Variants in KCNJ3 observed in about 807,000 individuals in gnomAD.
KCNJ3 encodes G protein-activated inward rectifier potassium channel 1.
Under a neutral mutation model 39.2 loss-of-function variants are expected in KCNJ3, and 4 were observed. The ratio of observed to expected loss-of-function variants is 0.10; its 90% confidence interval spans 0.05 to 0.23. The LOEUF (loss-of-function observed/expected upper bound fraction) is 0.23. Among genes scored for constraint, KCNJ3 ranks in the 10% least tolerant of loss-of-function variants. The pLI is 1.00. For synonymous variants in KCNJ3, 230 were observed against 237.4 expected, an observed-to-expected ratio of 0.97 and a Z score of 0.29; for missense variants, 276 against 634.9, an observed-to-expected ratio of 0.43 and a Z score of 6.08.
At chr2:154,747,852 A>G (rs1685774316) in intron 2 of KCNJ3, among the ~76,000 whole-genome samples, 1 of 151,922 alleles carries the variant, frequency 6.6e-6, no homozygotes, top group African/African-American at 2.4e-5. Context: ...TGGTTTGGGG[A>G]AATAAGGTGG....
At chr2:154,788,771 TG>T (rs66942205) in intron 2 of KCNJ3, among the ~76,000 whole-genome samples, 10,516 of 150,922 alleles carry the variant, frequency 0.07, 447 homozygotes, top group African/African-American at 0.11. Context: ...GAGTGTGAGT[TG>T]TTTTTTTTTT....
At chr2:154,849,693 A>C (rs2105138251) in intron 2 of KCNJ3, among the ~76,000 whole-genome samples, 1 of 152,312 alleles carries the variant, frequency 6.6e-6, no homozygotes. Flanking sequence ...TAGCAGAAAC[A>C]ATGGAAAATA....
Position 154,709,722 on chromosome 2 carries a change from C to CGAT in KCNJ3, c.824_826dup (p.Asp275dup). ...CCCCCCTCACAATTTGCCACGTGATCGATGCCAAAAGCCCCTTTTATGACC... is the reference window on the plus strand; with the variant it reads ...CCCCCCTCACAATTTGCCACGTGATCGATGATGCCAAAAGCCCCTTTTATGACC... On this transcript the variant is annotated inframe_insertion, in exon 2 of 3. Coordinates refer to ENST00000295101, the MANE Select transcript of KCNJ3 (RefSeq NM_002239.4). 1 of 1,613,876 alleles carries CGAT rather than the reference C, an allele frequency of 6.2e-7. No individual in the cohort carries two copies. Among genetic ancestry groups the CGAT allele is most frequent in the East Asian group, 2.2e-5 (1 of 44,862 alleles).
intron 2 of KCNJ3, among the ~76,000 whole-genome samples, chr2:154,834,765 C>A (rs1030496696): frequency 3.3e-5 from 5 of 149,648 alleles, no homozygotes; most frequent in Non-Finnish European, 6.0e-5. Flanking sequence ...TAGAATAAGT[C>A]ATTTAAGTCT....
chr2:154,714,764 T>A (rs1355878827), intron 2 of KCNJ3, among the ~76,000 whole-genome samples: 1 of 152,224 alleles, frequency 6.6e-6, no homozygotes, highest in Non-Finnish European at 1.5e-5. Context: ...CAAATGCTTA[T>A]TGAGCAGGTA....
chr2:154,817,606 A>G (rs962603415), intron 2 of KCNJ3, among the ~76,000 whole-genome samples: 2 of 151,894 alleles, frequency 1.3e-5, no homozygotes, highest in Admixed American at 6.6e-5. Flanking sequence ...TAATCAACCT[A>G]CCTCCCCTCT....
At chr2:154,847,557 A>C (rs186990598) in intron 2 of KCNJ3, among the ~76,000 whole-genome samples, 12 of 149,880 alleles carry the variant, frequency 8.0e-5, no homozygotes, top group Admixed American at 6.8e-4. Flanking sequence ...TATGGAAAAA[A>C]CTAACATGTT....
chr2:154,783,368 G>T (rs1198478178), intron 2 of KCNJ3, among the ~76,000 whole-genome samples: 2 of 152,106 alleles, frequency 1.3e-5, no homozygotes, highest in Non-Finnish European at 2.9e-5. Context: ...TCTGTTCTTT[G>T]TTGGATTCTT....
intron 2 of KCNJ3, among the ~76,000 whole-genome samples, chr2:154,839,289 T>TGAC (rs1687533631): frequency 6.6e-6 from 1 of 151,884 alleles, no homozygotes; most frequent in African/African-American, 2.4e-5. Context: ...TCCTTTTTTA[T>TGAC]GACTGTATAA....
At chr2:154,786,650 C>T (rs577291536) in intron 2 of KCNJ3, among the ~76,000 whole-genome samples, 83 of 152,136 alleles carry the variant, frequency 5.5e-4, no homozygotes, top group Non-Finnish European at 9.0e-4. Flanking sequence ...TTATTTATTG[C>T]CCCTGGCCCA....
chr2:154,770,022 A>G (rs916589251), intron 2 of KCNJ3, among the ~76,000 whole-genome samples: 3 of 152,172 alleles, frequency 2.0e-5, no homozygotes, highest in Admixed American at 6.6e-5. Flanking sequence ...CTTCAGCACT[A>G]TGTTATTACT....
chr2:154,729,029 C>T (rs1421087586), intron 2 of KCNJ3, among the ~76,000 whole-genome samples: 1 of 152,082 alleles, frequency 6.6e-6, no homozygotes, highest in Admixed American at 6.6e-5. Flanking sequence ...AAGTTTAACT[C>T]AGCTTTGAGG....
chr2:154,845,324 G>A (rs1447537265), intron 2 of KCNJ3, among the ~76,000 whole-genome samples: 2 of 151,926 alleles, frequency 1.3e-5, no homozygotes, highest in African/African-American at 4.8e-5. Flanking sequence ...TTACCATGTT[G>A]TTCAGGCTGG....
intron 2 of KCNJ3, among the ~76,000 whole-genome samples, chr2:154,814,294 C>T (rs763561038): frequency 5.3e-5 from 8 of 152,008 alleles, no homozygotes; most frequent in East Asian, 3.9e-4. Context: ...TCTAATATAA[C>T]GTATAAGTAT....
At chr2:154,809,022 A>G (rs572524574) in intron 2 of KCNJ3, among the ~76,000 whole-genome samples, 2 of 152,302 alleles carry the variant, frequency 1.3e-5, no homozygotes, top group South Asian at 4.1e-4. Context: ...CTGGAAAGCT[A>G]AAAGCATGAC....
chr2:154,724,694 C>G (rs1031819241), intron 2 of KCNJ3, among the ~76,000 whole-genome samples: 4 of 151,572 alleles, frequency 2.6e-5, no homozygotes, highest in Non-Finnish European at 1.5e-5. Context: ...AATATAATGT[C>G]GTGTCAAATG....
intron 2 of KCNJ3, among the ~76,000 whole-genome samples, chr2:154,726,061 A>T (rs978590120): frequency 1.3e-5 from 2 of 152,188 alleles, no homozygotes; most frequent in Non-Finnish European, 2.9e-5. Context: ...AAAAGACTTC[A>T]TGACCACTAT....
chr2:154,809,167 G>A (rs184406692), intron 2 of KCNJ3, among the ~76,000 whole-genome samples: 1 of 152,180 alleles, frequency 6.6e-6, no homozygotes, highest in Non-Finnish European at 1.5e-5. Context: ...ACAGCTTTGG[G>A]TAGCCCGGTC....
chr2:154,796,394 A>G (rs1686721540), intron 2 of KCNJ3, among the ~76,000 whole-genome samples: 1 of 152,090 alleles, frequency 6.6e-6, no homozygotes, highest in Non-Finnish European at 1.5e-5. Context: ...AAGTATTCCA[A>G]TTTCCTTTAT....
Sources: gnomAD v4.1 joint callset for allele counts (sites outside exome capture counted in the v4.1 genomes callset) on GRCh38, gnomAD v4.1.1 for gene constraint, MANE v1.5 for transcripts, NCBI Gene and HGNC (gene_info 2026-07-23, HGNC 2026-07-21) for gene names.